Variants in DPY19L1 observed in about 807,000 individuals in gnomAD.
DPY19L1 encodes protein C-mannosyl-transferase DPY19L1.
Under a neutral mutation model 96.9 loss-of-function variants are expected in DPY19L1, and 35 were observed. The ratio of observed to expected loss-of-function variants is 0.36; its 90% CI spans 0.28 to 0.48. DPY19L1 has a LOEUF of 0.48. Ranked by LOEUF, DPY19L1 falls within the 20% of genes least tolerant of loss-of-function variation. The pLI, the probability that DPY19L1 is intolerant of heterozygous loss-of-function variation, is 0.99. For synonymous variants in DPY19L1, 205 were observed against 252.6 expected (o/e 0.81, Z 1.79); for missense variants, 521 against 777.9 (o/e 0.67, Z 3.93).
At chr7:34,950,528 C>T (rs563202493) in intron 13 of DPY19L1, among the ~76,000 whole-genome samples, 25 of 152,124 alleles carry the variant, frequency 1.6e-4, no homozygotes, top group Admixed American at 7.9e-4. Flanking sequence ...AAAACATTTG[C>T]CAAATGTTCA....
At chr7:35,027,769 C>T (rs1416203578) in intron 1 of DPY19L1, among the ~76,000 whole-genome samples, 1 of 151,070 alleles carries the variant, frequency 6.6e-6, no homozygotes, top group Non-Finnish European at 1.5e-5. Context: ...ACTTGGGAGG[C>T]AGAGGTTGCA....
At chr7:34,959,876 T>A (rs1255422774) in intron 10 of DPY19L1, among the ~76,000 whole-genome samples, 1 of 138,220 alleles carries the variant, frequency 7.2e-6, no homozygotes, top group Non-Finnish European at 1.5e-5. Flanking sequence ...TATATTTTAA[T>A]ATATATGTTT....
intron 8 of DPY19L1, among the ~76,000 whole-genome samples, chr7:34,970,750 A>G (rs541681422): frequency 7.2e-5 from 11 of 152,026 alleles, no homozygotes; most frequent in Admixed American, 2.0e-4. Flanking sequence ...CTGTGGGGAG[A>G]TAGGAGTGAA....
rs1388036942 is a variant in DPY19L1, at chr7:35,002,297, T to C, written c.764+8171A>G. ...AAATACTATTTTTTAAAAAGGAATGTTTATAGAACAAACAAAACTTCTTGG... is the reference window on the plus strand; with the variant it reads ...AAATACTATTTTTTAAAAAGGAATGCTTATAGAACAAACAAAACTTCTTGG... On this transcript the variant is annotated intron_variant, in intron 6 of 21. Transcript: ENST00000638088. 2.6e-5 allele frequency among the ~76,000 whole-genome samples: 4 copies of C among 151,924 alleles called. No homozygotes were observed. In the East Asian group the frequency reaches 7.7e-4, roughly 29 times the overall value.
At chr7:35,031,647 T>A (rs1200480356) in intron 1 of DPY19L1, among the ~76,000 whole-genome samples, 1 of 152,248 alleles carries the variant, frequency 6.6e-6, no homozygotes, top group East Asian at 1.9e-4. Context: ...GTGCTTTCAG[T>A]ATTGATGCCA....
chr7:35,009,949 G>A (rs1348913030), intron 6 of DPY19L1, among the ~76,000 whole-genome samples: 1 of 152,070 alleles, frequency 6.6e-6, no homozygotes, highest in Admixed American at 6.6e-5. Context: ...CAAAATTTAT[G>A]CCAGGCACTG....
intron 3 of DPY19L1, among the ~76,000 whole-genome samples, chr7:35,017,611 G>A (rs1785890307): frequency 6.6e-6 from 1 of 151,572 alleles, no homozygotes; most frequent in Non-Finnish European, 1.5e-5. Flanking sequence ...GGTGCAGCTT[G>A]CAGTGAGCCG....
intron 6 of DPY19L1, among the ~76,000 whole-genome samples, chr7:35,007,106 C>T (rs1377142274): frequency 2.0e-5 from 3 of 152,074 alleles, no homozygotes; most frequent in Non-Finnish European, 2.9e-5. Flanking sequence ...AACTAGTAAT[C>T]TGAAACCTCT....
In DPY19L1 at chr7:34,955,386, C is replaced by A. The variant is rs1255677915; in HGVS notation, c.1180-19G>T. On this transcript the variant is annotated intron_variant, in intron 11 of 21. Coordinates refer to ENST00000638088, the MANE Select transcript of DPY19L1 (RefSeq NM_001366673.1). Reference sequence around the variant, plus strand: ...GAATACCCTGAGTAGAGAAAAATAACATAGTATACACAGTTAATACTTATA... The same window carrying A: ...GAATACCCTGAGTAGAGAAAAATAAAATAGTATACACAGTTAATACTTATA... The A allele has an allele frequency of 6.2e-7, 1 of 1,602,894 alleles. No individual in the cohort carries two copies. Among genetic ancestry groups the A allele is most frequent in the African/African-American group, 1.3e-5 (1 of 74,166 alleles).
chr7:35,011,125 G>A (rs1785700283), intron 5 of DPY19L1, among the ~76,000 whole-genome samples: 1 of 152,152 alleles, frequency 6.6e-6, no homozygotes, highest in African/African-American at 2.4e-5. Context: ...CCAGACATTT[G>A]AGTCTTAGTA....
intron 6 of DPY19L1, among the ~76,000 whole-genome samples, chr7:34,993,686 G>T (rs1785222205): frequency 6.6e-6 from 1 of 151,870 alleles, no homozygotes; most frequent in South Asian, 2.1e-4. Context: ...GTTGGGAAGG[G>T]CTGTCATTTA....
chr7:35,025,261 T>C (rs1272713228), intron 1 of DPY19L1, among the ~76,000 whole-genome samples: 2 of 152,152 alleles, frequency 1.3e-5, no homozygotes, highest in East Asian at 3.9e-4. Flanking sequence ...CCAACAAGTA[T>C]CTAAATGCCT....
intron 21 of DPY19L1, among the ~76,000 whole-genome samples, chr7:34,936,221 G>A (rs1783864874): frequency 1.3e-5 from 2 of 152,010 alleles, no homozygotes; most frequent in South Asian, 4.1e-4. Flanking sequence ...TCCTGAATTT[G>A]CCTTCATATC....
intron 11 of DPY19L1, among the ~76,000 whole-genome samples, chr7:34,957,577 A>C (rs1286054212): frequency 2.0e-5 from 3 of 152,166 alleles, no homozygotes; most frequent in African/African-American, 4.8e-5. Flanking sequence ...CCATACAAGT[A>C]GACAAGGGGC....
chr7:34,990,208 T>C (rs1396698825), intron 6 of DPY19L1, among the ~76,000 whole-genome samples: 1 of 152,238 alleles, frequency 6.6e-6, no homozygotes, highest in Non-Finnish European at 1.5e-5. Flanking sequence ...TAGAAAATTC[T>C]TAGTAGTCAT....
At chr7:34,997,051 GA>G (rs1785302260) in intron 6 of DPY19L1, among the ~76,000 whole-genome samples, 1 of 152,124 alleles carries the variant, frequency 6.6e-6, no homozygotes, top group African/African-American at 2.4e-5. Context: ...GAGGAAAGAG[GA>G]AAGTCATGGC....
intron 14 of DPY19L1, among the ~76,000 whole-genome samples, chr7:34,949,255 C>CT (rs1452204648): frequency 2.0e-5 from 3 of 152,164 alleles, no homozygotes; most frequent in Non-Finnish European, 2.9e-5. Context: ...CTGTTTATGG[C>CT]ATGCTACTAG....
At chr7:34,950,780 C>T (rs1013487544) in intron 13 of DPY19L1, among the ~76,000 whole-genome samples, 1 of 152,018 alleles carries the variant, frequency 6.6e-6, no homozygotes, top group African/African-American at 2.4e-5. Flanking sequence ...CCTAAAATAG[C>T]ATAAGAAAAC....
chr7:34,971,514 A>G lies in DPY19L1; in HGVS notation c.915-1982T>C, dbSNP rs191073957. Reference sequence around the variant, plus strand: ...GATCAAGATGGGATGGATCTGAACCAGGAGTGGTGAAAGCAGCAGCTGATG... The same window carrying G: ...GATCAAGATGGGATGGATCTGAACCGGGAGTGGTGAAAGCAGCAGCTGATG... On this transcript the variant is annotated intron_variant, in intron 8 of 21. Transcript: ENST00000638088. 1.0e-3 allele frequency among the ~76,000 whole-genome samples: 154 copies of G among 152,332 alleles called. 2 individuals are homozygous for G. The highest frequency in any genetic ancestry group is 3.5e-3 in the African/African-American group (144 of 41,570).
Sources: gnomAD v4.1 joint callset for allele counts (sites outside exome capture counted in the v4.1 genomes callset) on GRCh38, gnomAD v4.1.1 for gene constraint, MANE v1.5 for transcripts, NCBI Gene and HGNC (gene_info 2026-07-23, HGNC 2026-07-21) for gene names.